EEIG2: variants seen among roughly 807,000 people sequenced by gnomAD.
The protein encoded by EEIG2 is family with sequence similarity 102 member B.
At chr1:108,572,826 T>C in the EEIG2 span, among the ~76,000 whole-genome samples, 1 of 152,146 alleles carries the variant, frequency 6.6e-6, no homozygotes, top group African/African-American at 2.4e-5. Flanking sequence ...ACCATGGTTT[T>C]GCCTTTTCCA....
At chr1:108,623,921 C>T in the EEIG2 span, among the ~76,000 whole-genome samples, 2 of 152,256 alleles carry the variant, frequency 1.3e-5, no homozygotes, top group East Asian at 1.9e-4. Flanking sequence ...ATCCACCCGC[C>T]TTGGCCTCCC....
At chr1:108,605,648 C>G in the EEIG2 span, among the ~76,000 whole-genome samples, 3 of 152,062 alleles carry the variant, frequency 2.0e-5, no homozygotes. Context: ...GAAAACAAAT[C>G]TAAAGATTTG....
the EEIG2 span, among the ~76,000 whole-genome samples, chr1:108,585,993 T>C: frequency 2.0e-5 from 3 of 152,130 alleles, no homozygotes; most frequent in African/African-American, 4.8e-5. Flanking sequence ...TCCTCTGATA[T>C]TATAGAGTTC....
At chr1:108,573,293 C>G in the EEIG2 span, among the ~76,000 whole-genome samples, 1 of 152,212 alleles carries the variant, frequency 6.6e-6, no homozygotes, top group Admixed American at 6.5e-5. Context: ...TAGAGCAAGT[C>G]TAAAATTCAA....
chr1:108,567,266 C>T, the EEIG2 span, among the ~76,000 whole-genome samples: 1 of 152,142 alleles, frequency 6.6e-6, no homozygotes, highest in Non-Finnish European at 1.5e-5. Context: ...TTTATTTGAG[C>T]ACTTTCCCAG....
the EEIG2 span, among the ~76,000 whole-genome samples, chr1:108,609,972 G>A: frequency 2.0e-5 from 3 of 152,270 alleles, no homozygotes; most frequent in Non-Finnish European, 4.4e-5. Flanking sequence ...ATACCTAGGC[G>A]ATGGGTTGAT....
chr1:108,570,323 C>T, the EEIG2 span, among the ~76,000 whole-genome samples: 1 of 152,104 alleles, frequency 6.6e-6, no homozygotes, highest in Non-Finnish European at 1.5e-5. Flanking sequence ...ACTGCTGCCA[C>T]ATAGAGGAAG....
chr1:108,631,087 G>C, the EEIG2 span: 3 of 366,800 alleles, frequency 8.2e-6, no homozygotes, highest in South Asian at 5.9e-5. Context: ...ATGTGAAAAA[G>C]GATTTACAGA....
the EEIG2 span, among the ~76,000 whole-genome samples, chr1:108,577,029 G>A: frequency 6.8e-6 from 1 of 147,280 alleles, no homozygotes; most frequent in Non-Finnish European, 1.5e-5. Flanking sequence ...GTTTTGATTT[G>A]CATTTCTCTG....
the EEIG2 span, among the ~76,000 whole-genome samples, chr1:108,561,490 C>T: frequency 6.6e-6 from 1 of 151,916 alleles, no homozygotes; most frequent in African/African-American, 2.4e-5. Context: ...TATTTCTGCC[C>T]TAAAAATATT....
the EEIG2 span, among the ~76,000 whole-genome samples, chr1:108,572,271 T>A: frequency 6.6e-6 from 1 of 152,340 alleles, no homozygotes; most frequent in East Asian, 1.9e-4. Flanking sequence ...GCCCTTTTTT[T>A]ATAGACTTTA....
At chr1:108,579,772 T>TGTGTGAGAGAGAGAGAGAGAGAGAGA in the EEIG2 span, among the ~76,000 whole-genome samples, 59 of 58,860 alleles carry the variant, frequency 1.0e-3, no homozygotes, top group South Asian at 9.1e-3. Flanking sequence ...TGTGTGTGTG[T>TGTGTGAGAGAGAGAGAGAGAGAGAGA]GAGAGAGAGA....
the EEIG2 span, among the ~76,000 whole-genome samples, chr1:108,605,354 G>A: frequency 1.3e-5 from 2 of 152,150 alleles, no homozygotes; most frequent in Non-Finnish European, 2.9e-5. Context: ...AGCAGGGAAG[G>A]GGAGGAACAG....
chr1:108,607,692 C>A, the EEIG2 span, among the ~76,000 whole-genome samples: 1 of 152,150 alleles, frequency 6.6e-6, no homozygotes, highest in East Asian at 1.9e-4. Context: ...CAAGGCTTTG[C>A]TATCAAGGAA....
chr1:108,600,310 G>T, the EEIG2 span, among the ~76,000 whole-genome samples: 1 of 152,144 alleles, frequency 6.6e-6, no homozygotes, highest in Non-Finnish European at 1.5e-5. Flanking sequence ...TGAATGAATG[G>T]TGTAGCCTAA....
At chr1:108,585,439 G>C in the EEIG2 span, among the ~76,000 whole-genome samples, 2 of 152,112 alleles carry the variant, frequency 1.3e-5, no homozygotes, top group African/African-American at 4.8e-5. Context: ...AGTGGTGTCA[G>C]ATGGGTCAAG....
At chr1:108,622,393 A>G in the EEIG2 span, among the ~76,000 whole-genome samples, 1 of 152,220 alleles carries the variant, frequency 6.6e-6, no homozygotes. Context: ...GGAGAAAGGT[A>G]CAAAGGCCAA....
the EEIG2 span, chr1:108,624,667 A>G: frequency 1.4e-5 from 23 of 1,614,008 alleles, no homozygotes; most frequent in African/African-American, 2.7e-5. Context: ...TTCAATGTCT[A>G]TACCAATTGC....
chr1:108,608,570 G>T, the EEIG2 span, among the ~76,000 whole-genome samples: 2 of 152,218 alleles, frequency 1.3e-5, no homozygotes, highest in East Asian at 3.8e-4. Context: ...TCACTAGAAT[G>T]TAAGCTCTTT....
Sources: allele counts gnomAD v4.1 joint callset (sites outside exome capture counted in the v4.1 genomes callset), GRCh38; gene constraint gnomAD v4.1.1; transcripts MANE v1.5; gene names NCBI Gene and HGNC (gene_info 2026-07-23, HGNC 2026-07-21).